The following KIRREL3 variants were observed in gnomAD, a reference collection of about 807,000 sequenced individuals.
The protein encoded by KIRREL3 is kin of IRRE-like protein 3.
Under a neutral mutation model 89.7 loss-of-function variants are expected in KIRREL3, and 36 were observed. The ratio of observed to expected loss-of-function variants is 0.40; its 90% confidence interval spans 0.31 to 0.53. The LOEUF is 0.53. Ranked by LOEUF, KIRREL3 falls within the 20% of genes least tolerant of loss-of-function variation. The pLI, the probability that KIRREL3 is intolerant of heterozygous loss-of-function variation, is 0.49. For missense variants in KIRREL3, 864 were observed against 1,056.6 expected (o/e 0.82, Z 2.53); for synonymous variants, 445 against 441.4 (o/e 1.01, Z -0.10).
chr11:126,492,758 C>T lies in KIRREL3; in HGVS notation c.434-19292G>A, dbSNP rs1198405397. 2.0e-5 allele frequency among the ~76,000 whole-genome samples: 3 copies of T among 152,120 alleles called. No homozygotes were observed. The highest frequency in any genetic ancestry group is 4.1e-4 in the South Asian group (2 of 4,834). ...ATGCTGAGGGGGCTCTGAGCTGGAC[C>T]GTGCAGGGAGGACTGGCTTCTTACC... On this transcript the variant is annotated intron_variant, in intron 4 of 16. Transcript: ENST00000525144. The surrounding 1 kb of genome is among the most constrained non-coding windows in gnomAD (Gnocchi z 4.8).
At chr11:126,698,062 T>C (rs1356793237) in intron 1 of KIRREL3, among the ~76,000 whole-genome samples, 2 of 152,174 alleles carry the variant, frequency 1.3e-5, no homozygotes, top group Admixed American at 1.3e-4. Context: ...GGAAATAGCA[T>C]TGTGAATGTA....
At chr11:126,929,956 C>G (rs997358737) in intron 1 of KIRREL3, among the ~76,000 whole-genome samples, 1 of 152,050 alleles carries the variant, frequency 6.6e-6, no homozygotes, top group African/African-American at 2.4e-5. Context: ...CCACCCCCCC[C>G]CCCCCACCTC....
chr11:126,550,532 C>T lies in KIRREL3; in HGVS notation c.133+12303G>A, dbSNP rs1939173984. 1 of 152,208 alleles carries T rather than the reference C, an allele frequency of 6.6e-6. No individual in the cohort carries two copies. The highest frequency in any genetic ancestry group is 2.1e-4 in the South Asian group (1 of 4,834). The allele number at this position is 152,208 out of a possible 1,614,324, so 9.4% of individuals were successfully genotyped here. A position where few individuals can be genotyped will look rare whatever the true frequency, so the allele number is the denominator to read the frequency against. ...GTGAGGTGGTGGGTGCCTGTAATCC[C>T]AGCTACTCAGGAGGCTGAGGCAGGA... On this transcript the variant is annotated intron_variant, in intron 2 of 16. Coordinates refer to ENST00000525144, the MANE Select transcript of KIRREL3 (RefSeq NM_032531.4). The surrounding 1 kb of genome is among the most constrained non-coding windows in gnomAD (Gnocchi z 4.9).
At chr11:126,511,711 G>C (rs187742465) in intron 4 of KIRREL3, among the ~76,000 whole-genome samples, 152 of 152,308 alleles carry the variant, frequency 1.0e-3, no homozygotes, top group Non-Finnish European at 1.3e-3. Flanking sequence ...AACTCCCTCT[G>C]AGGATGACAC....
chr11:126,737,248 G>A (rs1948832843), intron 1 of KIRREL3, among the ~76,000 whole-genome samples: 1 of 152,096 alleles, frequency 6.6e-6, no homozygotes, highest in Non-Finnish European at 1.5e-5. Flanking sequence ...GCAGGGATGG[G>A]GCCTGGGGCT....
chr11:126,867,969 A>G lies in KIRREL3; in HGVS notation c.55+132486T>C, dbSNP rs563169863. 6.6e-6 allele frequency among the ~76,000 whole-genome samples: 1 copy of G among 150,548 alleles called. No homozygotes were observed. Among genetic ancestry groups the G allele is most frequent in the South Asian group, 2.1e-4 (1 of 4,756 alleles). On this transcript the variant is annotated intron_variant, in intron 1 of 16. Transcript: ENST00000525144. The surrounding 1 kb of genome is among the most constrained non-coding windows in gnomAD (Gnocchi z 4.7). ...GCATTCAATATAAACTTGATCATTC[A>G]TTGATTGGCCAGACAGCTCCCTGAC...
At chr11:126,547,441 C>T (rs1015803698) in intron 2 of KIRREL3, among the ~76,000 whole-genome samples, 3 of 152,232 alleles carry the variant, frequency 2.0e-5, no homozygotes, top group Non-Finnish European at 2.9e-5. Flanking sequence ...TACAGAAATG[C>T]TGCCTGTGTG....
chr11:126,974,388 C>T (rs150872927), intron 1 of KIRREL3, among the ~76,000 whole-genome samples: 38 of 152,212 alleles, frequency 2.5e-4, no homozygotes, highest in Middle Eastern at 3.4e-3. Flanking sequence ...ATAGAGTACA[C>T]TTACACCAAC....
chr11:126,798,946 T>C (rs920862504), intron 1 of KIRREL3, among the ~76,000 whole-genome samples: 2 of 152,196 alleles, frequency 1.3e-5, no homozygotes, highest in Non-Finnish European at 2.9e-5. Context: ...GAGGAGCACA[T>C]GCAGGGACAC....
chr11:126,528,105 G>T lies in KIRREL3; in HGVS notation c.134-1418C>A, dbSNP rs1221434645. ...CGCAGCTAATGAGTGTTAGAGCAGG[G>T]GTTTGAGCAGGGGCCCATCTGCATT... On this transcript the variant is annotated intron_variant, in intron 2 of 16. Coordinates refer to ENST00000525144, the MANE Select transcript of KIRREL3 (RefSeq NM_032531.4). This position sits in a 1 kb window ranked among gnomAD's most constrained non-coding sequence, Gnocchi z 4.6. 1.3e-5 allele frequency among the ~76,000 whole-genome samples: 2 copies of T among 152,178 alleles called. No individual in the cohort carries two copies. Among genetic ancestry groups the T allele is most frequent in the African/African-American group, 4.8e-5 (2 of 41,438 alleles).
At chr11:126,751,609 A>AC (rs759369857) in intron 1 of KIRREL3, among the ~76,000 whole-genome samples, 3 of 152,164 alleles carry the variant, frequency 2.0e-5, no homozygotes, top group Non-Finnish European at 4.4e-5. Flanking sequence ...AAAAGGCTGC[A>AC]CAAGTAATCA....
At chr11:126,577,090 A>G (rs1427372814) in intron 1 of KIRREL3, among the ~76,000 whole-genome samples, 1 of 152,170 alleles carries the variant, frequency 6.6e-6, no homozygotes, top group Non-Finnish European at 1.5e-5. Context: ...GAAGAGAGAA[A>G]TAGAATGTCA....
chr11:126,912,538 C>A lies in KIRREL3; in HGVS notation c.55+87917G>T, dbSNP rs887402054. On this transcript the variant is annotated intron_variant, in intron 1 of 16. Transcript: ENST00000525144. The surrounding 1 kb of genome is among the most constrained non-coding windows in gnomAD (Gnocchi z 4.7). ...CACACTCACCTACAAAACAAGCAAC[C>A]CACCATGAGCTGTGAGATGGAAATA... Among the ~76,000 whole-genome samples the A allele has an allele frequency of 9.9e-5, 15 of 152,186 alleles. No homozygotes were observed. The highest frequency in any genetic ancestry group is 1.2e-4 in the Non-Finnish European group (8 of 68,042).
chr11:126,432,887 T>C lies in KIRREL3; in HGVS notation c.1589-1361A>G, dbSNP rs1182299476. Among the ~76,000 whole-genome samples the C allele has an allele frequency of 6.6e-6, 1 of 152,156 alleles. No homozygotes were observed. The highest frequency in any genetic ancestry group is 1.5e-5 in the Non-Finnish European group (1 of 68,030). ...AAGGGGTCACCAGCAGTTCACGGTC[T>C]TTTATTTTTGGGATGGAGTCTGGCT... On this transcript the variant is annotated intron_variant, in intron 13 of 16. Transcript: ENST00000525144. This position sits in a 1 kb window ranked among gnomAD's most constrained non-coding sequence, Gnocchi z 6.2.
rs533812693 is a variant in KIRREL3 at position 126,769,157 on chromosome 11, T to C, written c.56-206245A>G. ...GCTTCCCCTCTTCCCACAGGTCCCA[T>C]CTCTGCCAGTCACTGCTTTCCCTTC... On this transcript the variant is annotated intron_variant, in intron 1 of 16. Transcript: ENST00000525144. The surrounding 1 kb of genome is among the most constrained non-coding windows in gnomAD (Gnocchi z 4.3). Among the ~76,000 whole-genome samples, 1 of 152,292 alleles carries C rather than the reference T, an allele frequency of 6.6e-6. No homozygotes were observed. The highest frequency in any genetic ancestry group is 1.9e-4 in the East Asian group (1 of 5,186).
Position 126,493,686 on chromosome 11 carries a change from G to T in KIRREL3, c.434-20220C>A, listed in dbSNP as rs2134345050. ...AAAAAAAAAAAAAAAGAGAGAATTG[G>T]AGCTGAACCTGAACTTCAAGTCCAG... On this transcript the variant is annotated intron_variant, in intron 4 of 16. Coordinates refer to ENST00000525144, the MANE Select transcript of KIRREL3 (RefSeq NM_032531.4). 1.4e-5 allele frequency among the ~76,000 whole-genome samples: 2 copies of T among 146,168 alleles called. 1 individual carries two copies. The highest frequency in any genetic ancestry group is 4.4e-4 in the South Asian group (2 of 4,524).
intron 1 of KIRREL3, among the ~76,000 whole-genome samples, chr11:126,836,148 G>A (rs142352025): frequency 6.6e-6 from 1 of 152,328 alleles, no homozygotes; most frequent in Non-Finnish European, 1.5e-5. Context: ...CCTTAACGGT[G>A]CAAACAATAG....
rs1390167704 is a variant in KIRREL3 at position 126,748,182 on chromosome 11, G to T, written c.56-185270C>A. On this transcript the variant is annotated intron_variant, in intron 1 of 16. Transcript: ENST00000525144. This position sits in a 1 kb window ranked among gnomAD's most constrained non-coding sequence, Gnocchi z 4.6. ...AGAGGTGGCCCAGGGCCCATCATTT[G>T]GGGGCAAGAAGCTGCCTGGATGCTT... Among the ~76,000 whole-genome samples, 2 of 152,152 alleles carry T rather than the reference G, an allele frequency of 1.3e-5. No individual in the cohort carries two copies. Among genetic ancestry groups the T allele is most frequent in the African/African-American group, 4.8e-5 (2 of 41,436 alleles).
In KIRREL3 at chr11:126,844,455, C is replaced by T. The variant is rs569818857; in HGVS notation, c.55+156000G>A. On this transcript the variant is annotated intron_variant, in intron 1 of 16. Transcript: ENST00000525144. The surrounding 1 kb of genome is among the most constrained non-coding windows in gnomAD (Gnocchi z 4.8). ...AACCCAAAGGAAATAGACTGCAGCA[C>T]TGATTGGCAGATTTTGGGTAGGTGG... 2.4e-4 allele frequency among the ~76,000 whole-genome samples: 37 copies of T among 152,220 alleles called. No homozygotes were observed. The highest frequency in any genetic ancestry group is 8.7e-4 in the African/African-American group (36 of 41,538).
Sources: allele counts gnomAD v4.1 joint callset (sites outside exome capture counted in the v4.1 genomes callset), GRCh38; gene constraint gnomAD v4.1.1; non-coding constraint Gnocchi (gnomAD v3.1); transcripts MANE v1.5; gene names NCBI Gene and HGNC (gene_info 2026-07-23, HGNC 2026-07-21).